The following GPHN variants were observed in gnomAD, a reference collection of about 807,000 sequenced individuals.
GPHN encodes the protein gephyrin.
Under a neutral mutation model 95.5 loss-of-function variants are expected in GPHN, and 17 were observed. The ratio of observed to expected loss-of-function variants is 0.18; its 90% confidence interval spans 0.12 to 0.27. The LOEUF is 0.27. Ranked by LOEUF, GPHN falls within the 10% of genes least tolerant of loss-of-function variation. The pLI is 1.00. For synonymous variants in GPHN, 320 were observed against 322.5 expected, an observed-to-expected ratio of 0.99 and a Z score of 0.08; for missense variants, 660 against 978.1, an observed-to-expected ratio of 0.67 and a Z score of 4.34.
the GPHN span, among the ~76,000 whole-genome samples, chr14:67,411,611 C>A: frequency 6.6e-6 from 1 of 152,154 alleles, no homozygotes; most frequent in Non-Finnish European, 1.5e-5. Context: ...CCAGGGCTGG[C>A]CAACAGTAAG....
intron 1 of GPHN, among the ~76,000 whole-genome samples, chr14:66,610,363 C>G (rs2062728270): frequency 6.6e-6 from 1 of 152,148 alleles, no homozygotes; most frequent in African/African-American, 2.4e-5. Context: ...AACTAGCCCT[C>G]ACATTCGGAA....
chr14:67,200,031 TG>T, the GPHN span: 1 of 938,136 alleles, frequency 1.1e-6, no homozygotes, highest in Non-Finnish European at 1.6e-6. Context: ...ATCCCCATTC[TG>T]GACACCCAGG....
chr14:67,009,119 G>GT (rs977195029), intron 9 of GPHN, among the ~76,000 whole-genome samples: 4 of 151,256 alleles, frequency 2.6e-5, no homozygotes, highest in Non-Finnish European at 4.4e-5. Flanking sequence ...TTGTGTGTTT[G>GT]TTTTTTTCAT....
At chr14:67,413,554 T>G in the GPHN span, among the ~76,000 whole-genome samples, 1 of 152,208 alleles carries the variant, frequency 6.6e-6, no homozygotes, top group South Asian at 2.1e-4. Context: ...AGAACCAGAC[T>G]GAAGCCAGCT....
chr14:66,827,082 A>G (rs1279034555), intron 4 of GPHN, among the ~76,000 whole-genome samples: 1 of 152,074 alleles, frequency 6.6e-6, no homozygotes, highest in African/African-American at 2.4e-5. Flanking sequence ...CAAGGAGTTC[A>G]AGACAAGCCT....
chr14:67,674,744 G>C, the GPHN span: 32 of 366,344 alleles, frequency 8.7e-5, no homozygotes, highest in Admixed American at 9.3e-5. Context: ...GGCGACTCCT[G>C]AGGGAGCGGT....
the GPHN span, among the ~76,000 whole-genome samples, chr14:67,699,589 CAAAA>C: frequency 1.2e-4 from 6 of 50,810 alleles, no homozygotes; most frequent in South Asian, 3.6e-3. Flanking sequence ...GACCCTATCT[CAAAA>C]AAAAAAAAAA....
At chr14:67,216,660 A>G in the GPHN span, among the ~76,000 whole-genome samples, 1 of 152,076 alleles carries the variant, frequency 6.6e-6, no homozygotes, top group South Asian at 2.1e-4. Flanking sequence ...TCCTTCACCC[A>G]TTGGTCATTT....
chr14:67,114,906 G>A (rs913566249), intron 16 of GPHN, among the ~76,000 whole-genome samples: 16 of 152,148 alleles, frequency 1.1e-4, no homozygotes, highest in African/African-American at 3.1e-4. Flanking sequence ...GTAATGGGGT[G>A]AGAATAGAGA....
At chr14:67,068,038 G>GAA (rs2076136078) in intron 11 of GPHN, among the ~76,000 whole-genome samples, 1 of 152,100 alleles carries the variant, frequency 6.6e-6, no homozygotes, top group Non-Finnish European at 1.5e-5. Flanking sequence ...TTCTGCGTCG[G>GAA]TCATGCTGGG....
the GPHN span, among the ~76,000 whole-genome samples, chr14:67,663,564 C>T: frequency 6.6e-6 from 1 of 151,030 alleles, no homozygotes; most frequent in Admixed American, 6.6e-5. Flanking sequence ...TTCCCAGCTA[C>T]TCAGGAGGCT....
chr14:66,802,848 CACT>C (rs1326180127), intron 3 of GPHN, among the ~76,000 whole-genome samples: 2 of 152,150 alleles, frequency 1.3e-5, no homozygotes, highest in Non-Finnish European at 1.5e-5. Flanking sequence ...GTCGTCCTCA[CACT>C]TTGTCTCCTC....
chr14:67,276,449 T>C, the GPHN span, among the ~76,000 whole-genome samples: 2 of 152,202 alleles, frequency 1.3e-5, no homozygotes, highest in Non-Finnish European at 2.9e-5. Flanking sequence ...TGTATCCTTA[T>C]GTTTTGAGTG....
At chr14:67,323,865 C>A in the GPHN span, 2 of 930,854 alleles carry the variant, frequency 2.1e-6, no homozygotes, top group South Asian at 1.6e-5. Context: ...ATGAAACAGT[C>A]CTGGTCTAAT....
chr14:67,179,687 C>G lies in GPHN; in HGVS notation c.2176+13C>G. ...GCACAGAGTACAGGTTAGTCATTCA[C>G]ATCTACAGATATTCCTAGACACCTA... On this transcript the variant is annotated intron_variant, in intron 22 of 22. Coordinates refer to ENST00000478722, the MANE Select transcript of GPHN (RefSeq NM_020806.5). 1 of 1,320,948 alleles carries G rather than the reference C, an allele frequency of 7.6e-7. No individual in the cohort carries two copies. Among genetic ancestry groups the G allele is most frequent in the East Asian group, 2.3e-5 (1 of 43,540 alleles). 81.8% of individuals were successfully genotyped at this position (1,320,948 alleles called of 1,614,324 possible). A position where few individuals can be genotyped will look rare whatever the true frequency, so the allele number is the denominator to read the frequency against.
chr14:66,585,669 G>A (rs950517082), intron 1 of GPHN, among the ~76,000 whole-genome samples: 24 of 152,106 alleles, frequency 1.6e-4, no homozygotes, highest in Non-Finnish European at 1.0e-4. Flanking sequence ...TCAGGAGCAG[G>A]TTGTTCAGTT....
the GPHN span, among the ~76,000 whole-genome samples, chr14:67,407,840 G>T: frequency 6.6e-6 from 1 of 152,152 alleles, no homozygotes; most frequent in African/African-American, 2.4e-5. Context: ...GGGCCCAGTG[G>T]TGTGTACTTG....
chr14:67,693,349 A>G, the GPHN span, among the ~76,000 whole-genome samples: 1 of 152,188 alleles, frequency 6.6e-6, no homozygotes, highest in Admixed American at 6.5e-5. Context: ...TGAGCTCTCT[A>G]AGGCACTTGT....
the GPHN span, among the ~76,000 whole-genome samples, chr14:67,451,049 A>G: frequency 1.3e-5 from 2 of 152,250 alleles, no homozygotes; most frequent in Non-Finnish European, 2.9e-5. Context: ...GGGCCAACAT[A>G]GAGCTCAGGC....
Sources: gnomAD v4.1 joint callset for allele counts (sites outside exome capture counted in the v4.1 genomes callset) on GRCh38, gnomAD v4.1.1 for gene constraint, MANE v1.5 for transcripts, NCBI Gene and HGNC (gene_info 2026-07-23, HGNC 2026-07-21) for gene names.